The following SCN3A variants were observed in gnomAD, a reference collection of about 807,000 sequenced individuals.
SCN3A encodes sodium channel protein type 3 subunit alpha.
SCN3A carries 60 observed loss-of-function variants against 187.6 expected under a neutral mutation model. The observed-to-expected ratio is 0.32, with a 90% confidence interval of 0.26 to 0.40. The LOEUF is 0.40. Among genes scored for constraint, SCN3A ranks in the 10% least tolerant of loss-of-function variants. The pLI is 1.00. For synonymous variants in SCN3A, 788 were observed against 829.2 expected (o/e 0.95, Z 0.85); for missense variants, 1,601 against 2,428.2 (o/e 0.66, Z 7.16).
chr2:165,116,814 A>G (rs1440241940), intron 18 of SCN3A, among the ~76,000 whole-genome samples: 1 of 152,128 alleles, frequency 6.6e-6, no homozygotes, highest in African/African-American at 2.4e-5. Flanking sequence ...GTCCAAATAT[A>G]TATATTATGA....
rs781662421 is a variant in SCN3A at position 165,113,985 on chromosome 2, T to C, written c.3515-15A>G. The C allele has an allele frequency of 5.4e-6, 8 of 1,475,464 alleles. No homozygotes were observed. Among genetic ancestry groups the C allele is most frequent in the East Asian group, 4.6e-5 (2 of 43,238 alleles). 91.4% of individuals were successfully genotyped at this position (1,475,464 alleles called of 1,614,324 possible). ...TTTAATACATCCTAAAAATCAAATA[T>C]AGTTAATTAAAAAATATATTTTAAT... On this transcript the variant is annotated splice_polypyrimidine_tract_variant and intron_variant, in intron 19 of 27. Transcript: ENST00000283254.
intron 11 of SCN3A, among the ~76,000 whole-genome samples, chr2:165,152,130 A>C (rs1300788723): frequency 2.0e-5 from 3 of 152,234 alleles, no homozygotes; most frequent in Non-Finnish European, 1.5e-5. Context: ...TAAAATTGAC[A>C]GTGTCTGGAA....
chr2:165,100,198 A>T, intron 22 of SCN3A, 104 bp downstream of exon 22: 1 of 1,343,794 alleles, frequency 7.4e-7, no homozygotes, highest in Non-Finnish European at 1.1e-6. Context: ...CTAATTCTGT[A>T]ATTCTATGAA....
At chr2:165,120,741 C>G (rs1472404637) in intron 18 of SCN3A, among the ~76,000 whole-genome samples, 4 of 151,832 alleles carry the variant, frequency 2.6e-5, no homozygotes, top group Non-Finnish European at 5.9e-5. Context: ...AACAAGACAG[C>G]CACACAGTGA....
chr2:165,112,232 A>C (rs1293895700), intron 21 of SCN3A, among the ~76,000 whole-genome samples: 2 of 152,240 alleles, frequency 1.3e-5, no homozygotes, highest in Non-Finnish European at 2.9e-5. Context: ...GCTGCACGTC[A>C]GATAGATTCC....
intron 15 of SCN3A, among the ~76,000 whole-genome samples, chr2:165,136,588 C>T (rs1324163859): frequency 6.6e-6 from 1 of 152,152 alleles, no homozygotes; most frequent in African/African-American, 2.4e-5. Context: ...CACTAGGCAA[C>T]TAAGGTCAAA....
chr2:165,152,859 A>C (rs559674728), intron 11 of SCN3A, among the ~76,000 whole-genome samples: 2 of 152,252 alleles, frequency 1.3e-5, no homozygotes, highest in Admixed American at 6.5e-5. Flanking sequence ...AACATGGCAC[A>C]TGTATGCATA....
chr2:165,195,281 G>C (rs1691875974), intron 1 of SCN3A: 1 of 152,212 alleles, frequency 6.6e-6, no homozygotes, highest in African/African-American at 2.4e-5. Context: ...CCAGGAGGGA[G>C]AGATGCCCTG....
intron 21 of SCN3A, among the ~76,000 whole-genome samples, chr2:165,101,600 A>G (rs1277385059): frequency 1.3e-5 from 2 of 152,184 alleles, no homozygotes; most frequent in Admixed American, 6.5e-5. Flanking sequence ...GATTTGAATG[A>G]CCATCTTCTC....
chr2:165,099,507 A>G (rs1424155261), intron 22 of SCN3A, among the ~76,000 whole-genome samples: 4 of 152,152 alleles, frequency 2.6e-5, no homozygotes, highest in Admixed American at 6.5e-5. Flanking sequence ...TCATGAGGTC[A>G]GGGGATCGAG....
At chr2:165,131,472 ACG>A (rs1208559488) in intron 15 of SCN3A, 55 bp from the exon 16 acceptor site, 46 of 1,250,784 alleles carry the variant, frequency 3.7e-5, no homozygotes, top group Non-Finnish European at 4.5e-6. Context: ...CTGATGCTAC[ACG>A]AATTTATAAA....
intron 18 of SCN3A, among the ~76,000 whole-genome samples, chr2:165,118,970 G>A (rs1190248837): frequency 6.6e-6 from 1 of 151,528 alleles, no homozygotes; most frequent in African/African-American, 2.4e-5. Flanking sequence ...CACCATGTTA[G>A]CCAGGATGGT....
At chr2:165,180,073 G>A (rs1574312685) in intron 2 of SCN3A, among the ~76,000 whole-genome samples, 1 of 152,108 alleles carries the variant, frequency 6.6e-6, no homozygotes, top group African/African-American at 2.4e-5. Flanking sequence ...CTTAGGAGAT[G>A]ATCTCTTTAA....
intron 26 of SCN3A, chr2:165,093,814 C>T (rs1685229179): frequency 6.5e-6 from 1 of 152,974 alleles, no homozygotes; most frequent in African/African-American, 2.4e-5. Flanking sequence ...TTACTCCTTA[C>T]CAATCTCAGA....
At chr2:165,111,650 A>T (rs1170312145) in intron 21 of SCN3A, among the ~76,000 whole-genome samples, 1 of 152,160 alleles carries the variant, frequency 6.6e-6, no homozygotes, top group Admixed American at 6.5e-5. Context: ...ATTATTAAGA[A>T]GCTGTGTTAT....
intron 19 of SCN3A, among the ~76,000 whole-genome samples, chr2:165,114,905 C>T (rs1263220536): frequency 1.3e-5 from 2 of 152,214 alleles, no homozygotes; most frequent in Non-Finnish European, 2.9e-5. Flanking sequence ...ACAAAAAGAC[C>T]TATCAGATCA....
chr2:165,133,382 T>C (rs1409637099), intron 15 of SCN3A, among the ~76,000 whole-genome samples: 2 of 151,904 alleles, frequency 1.3e-5, no homozygotes, highest in African/African-American at 2.4e-5. Context: ...TGAGACAGAG[T>C]CTCCCTCTGT....
chr2:165,094,252 A>T (rs1167535718), intron 26 of SCN3A, 122 bp downstream of exon 26: 21 of 807,698 alleles, frequency 2.6e-5, no homozygotes, highest in African/African-American at 8.5e-5. Context: ...GCAAAATATG[A>T]ACTTTATAAT....
chr2:165,186,142 C>T (rs962816803), intron 2 of SCN3A, among the ~76,000 whole-genome samples: 1 of 151,904 alleles, frequency 6.6e-6, no homozygotes, highest in Non-Finnish European at 1.5e-5. Context: ...TTGTGGCAGG[C>T]GCCTGTAGTC....
Sources: gnomAD v4.1 joint callset for allele counts (sites outside exome capture counted in the v4.1 genomes callset) on GRCh38, gnomAD v4.1.1 for gene constraint, MANE v1.5 for transcripts, NCBI Gene and HGNC (gene_info 2026-07-23, HGNC 2026-07-21) for gene names.